Variants in EIF4G3 observed in about 807,000 individuals in gnomAD.
The protein encoded by EIF4G3 is eIF-4-gamma 3.
EIF4G3 carries 34 observed loss-of-function variants against 186.4 expected under a neutral mutation model. That is an observed-to-expected ratio of 0.18 (90% CI 0.14 to 0.24). The LOEUF is 0.24. Ranked by LOEUF, EIF4G3 falls within the 10% of genes least tolerant of loss-of-function variation. EIF4G3 has a pLI of 1.00. For synonymous variants in EIF4G3, 673 were observed against 679.5 expected, an observed-to-expected ratio of 0.99 and a Z score of 0.15; for missense variants, 1,536 against 1,948.5, an observed-to-expected ratio of 0.79 and a Z score of 3.99.
At chr1:20,943,854 ACTTTT>A (rs998641148) in intron 13 of EIF4G3, among the ~76,000 whole-genome samples, 3 of 152,106 alleles carry the variant, frequency 2.0e-5, no homozygotes, top group African/African-American at 7.2e-5. Flanking sequence ...CTAAAATTGG[ACTTTT>A]CTTAGTTACT....
chr1:21,018,773 A>G (rs1453927161), intron 4 of EIF4G3, among the ~76,000 whole-genome samples: 1 of 152,018 alleles, frequency 6.6e-6, no homozygotes, highest in Non-Finnish European at 1.5e-5. Context: ...AGAGCCTGTC[A>G]CCTGGTTCTC....
At chr1:21,088,211 A>C (rs2096061780) in intron 3 of EIF4G3, among the ~76,000 whole-genome samples, 1 of 152,092 alleles carries the variant, frequency 6.6e-6, no homozygotes, top group Non-Finnish European at 1.5e-5. Context: ...GGATCACTTG[A>C]GGTCAGGAGT....
intron 2 of EIF4G3, among the ~76,000 whole-genome samples, chr1:21,164,341 G>A (rs1176502322): frequency 6.6e-6 from 1 of 152,170 alleles, no homozygotes; most frequent in Non-Finnish European, 1.5e-5. Context: ...CATAAAAAAG[G>A]ATAGAAATGG....
At chr1:21,078,844 G>A (rs2095670746) in intron 3 of EIF4G3, among the ~76,000 whole-genome samples, 1 of 152,116 alleles carries the variant, frequency 6.6e-6, no homozygotes, top group African/African-American at 2.4e-5. Flanking sequence ...AATTCGCCGG[G>A]TATAGTGGCG....
At chr1:21,014,352 G>A (rs1369174115) in intron 4 of EIF4G3, among the ~76,000 whole-genome samples, 1 of 152,182 alleles carries the variant, frequency 6.6e-6, no homozygotes, top group Non-Finnish European at 1.5e-5. Context: ...AGGAGTGCAT[G>A]TGCAGCTTTG....
intron 4 of EIF4G3, among the ~76,000 whole-genome samples, chr1:21,023,266 CTCTCCCTCTCCCCACGG>C (rs1557570951): frequency 7.6e-6 from 1 of 131,942 alleles, no homozygotes; most frequent in African/African-American, 2.9e-5. Context: ...CTCCCCCTCC[CTCTCCCTCTCCCCACGG>C]TCTCCCTCTC....
chr1:20,985,523 A>T (rs530114301), intron 7 of EIF4G3, among the ~76,000 whole-genome samples: 28 of 137,882 alleles, frequency 2.0e-4, no homozygotes, highest in African/African-American at 7.1e-4. Context: ...TGCAAAAAAA[A>T]AAAAAAATAT....
chr1:20,815,487 G>A (rs1184064047), intron 34 of EIF4G3, among the ~76,000 whole-genome samples: 2 of 151,882 alleles, frequency 1.3e-5, no homozygotes, highest in Non-Finnish European at 2.9e-5. Context: ...TGTCTGGGAG[G>A]TGAGGAGCGT....
At chr1:20,885,061 C>T (rs1483045266) in intron 19 of EIF4G3, among the ~76,000 whole-genome samples, 2 of 152,178 alleles carry the variant, frequency 1.3e-5, no homozygotes, top group South Asian at 2.1e-4. Context: ...GGTTCCACTC[C>T]TATGAGAATC....
intron 14 of EIF4G3, among the ~76,000 whole-genome samples, chr1:20,921,731 C>T (rs1290910146): frequency 9.2e-5 from 14 of 152,298 alleles, no homozygotes; most frequent in South Asian, 4.1e-4. Flanking sequence ...TAAAAGCCCC[C>T]GCTTAGCTAA....
intron 4 of EIF4G3, among the ~76,000 whole-genome samples, chr1:21,018,371 G>A (rs2154570574): frequency 6.6e-6 from 1 of 152,072 alleles, no homozygotes; most frequent in Non-Finnish European, 1.5e-5. Context: ...CACAAGGTCA[G>A]TAGTTCAAGA....
intron 30 of EIF4G3, among the ~76,000 whole-genome samples, chr1:20,834,658 G>A (rs1171910001): frequency 6.6e-6 from 1 of 152,136 alleles, no homozygotes; most frequent in East Asian, 1.9e-4. Flanking sequence ...ATTATGTAAT[G>A]ATAAAGGAAT....
chr1:21,010,707 C>T (rs149127895), intron 4 of EIF4G3, among the ~76,000 whole-genome samples: 1 of 152,284 alleles, frequency 6.6e-6, no homozygotes, highest in African/African-American at 2.4e-5. Flanking sequence ...ACTGTTAATT[C>T]CCATGTTTTG....
intron 2 of EIF4G3, among the ~76,000 whole-genome samples, chr1:21,144,636 G>C (rs1351260876): frequency 6.6e-6 from 1 of 152,096 alleles, no homozygotes; most frequent in Admixed American, 6.5e-5. Flanking sequence ...CTGAATAGTA[G>C]ACAGGTTTAA....
chr1:20,853,541 T>C lies in EIF4G3; in HGVS notation c.3551+19A>G. 2 of 1,564,792 alleles carry C rather than the reference T, an allele frequency of 1.3e-6. No individual in the cohort carries two copies. The highest frequency in any genetic ancestry group is 1.8e-6 in the Non-Finnish European group (2 of 1,135,344). On this transcript the variant is annotated intron_variant, in intron 27 of 36. Coordinates refer to ENST00000602326, the MANE Select transcript of EIF4G3 (RefSeq NM_001391906.1). ...CAAGCGGGCCAGCCTTGAGTAGACATAAAAAGCAGGGTTCTCACCTAGTTA... is the reference window on the plus strand; with the variant it reads ...CAAGCGGGCCAGCCTTGAGTAGACACAAAAAGCAGGGTTCTCACCTAGTTA...
chr1:21,040,879 T>C (rs910112991), intron 4 of EIF4G3, among the ~76,000 whole-genome samples: 3 of 152,080 alleles, frequency 2.0e-5, no homozygotes, highest in Non-Finnish European at 4.4e-5. Flanking sequence ...CAACCAATCA[T>C]AGACTGCTGA....
intron 32 of EIF4G3, among the ~76,000 whole-genome samples, chr1:20,826,414 G>A (rs891137611): frequency 2.7e-5 from 4 of 147,358 alleles, no homozygotes; most frequent in Non-Finnish European, 5.9e-5. Flanking sequence ...TGATCCACCC[G>A]CCTCGGCCTC....
intron 2 of EIF4G3, among the ~76,000 whole-genome samples, chr1:21,105,442 A>C (rs1306167519): frequency 6.6e-6 from 1 of 152,040 alleles, no homozygotes; most frequent in Non-Finnish European, 1.5e-5. Context: ...AAAAAAAGAA[A>C]AAAAAAAAAT....
intron 2 of EIF4G3, among the ~76,000 whole-genome samples, chr1:21,098,371 ATCTC>A (rs2096430326): frequency 6.6e-6 from 1 of 151,664 alleles, no homozygotes; most frequent in African/African-American, 2.4e-5. Context: ...GTGAAACTGC[ATCTC>A]TACTAAAAAC....
Sources: gnomAD v4.1 joint callset for allele counts (sites outside exome capture counted in the v4.1 genomes callset) on GRCh38, gnomAD v4.1.1 for gene constraint, MANE v1.5 for transcripts, NCBI Gene and HGNC (gene_info 2026-07-23, HGNC 2026-07-21) for gene names.